Variants in HLF observed in about 807,000 individuals in gnomAD.
HLF encodes hepatic leukemia factor.
Under a neutral mutation model 22.6 loss-of-function variants are expected in HLF, and 3 were observed. The observed-to-expected ratio is 0.13, with a 90% CI of 0.06 to 0.34. The LOEUF is 0.34. Among genes scored for constraint, HLF ranks in the 10% least tolerant of loss-of-function variants. The probability of loss-of-function intolerance (pLI) is 1.00; values close to 1 mark genes in which losing one functional copy is unlikely to be tolerated. For synonymous variants in HLF, 151 were observed against 151.8 expected (o/e 0.99, Z 0.04); for missense variants, 299 against 389.2 (o/e 0.77, Z 1.95).
At chr17:55,299,819 C>CCTCATTTGCTTTT (rs1448651909) in intron 2 of HLF, among the ~76,000 whole-genome samples, 2 of 151,180 alleles carry the variant, frequency 1.3e-5, no homozygotes, top group African/African-American at 2.4e-5. Flanking sequence ...TCATATTGTT[C>CCTCATTTGCTTTT]CTCATTTGCT....
At chr17:55,272,826 T>C (rs1270708659) in intron 2 of HLF, 2 of 152,242 alleles carry the variant, frequency 1.3e-5, no homozygotes, top group Admixed American at 1.3e-4. Context: ...CGTGTATCTT[T>C]CCAGTCCAGC....
intron 2 of HLF, among the ~76,000 whole-genome samples, chr17:55,305,107 A>G (rs1555608571): frequency 6.6e-6 from 1 of 152,154 alleles, no homozygotes; most frequent in Non-Finnish European, 1.5e-5. Flanking sequence ...TTTGAAGCCA[A>G]CTTCTTCTTC....
At position 55,315,669 on chromosome 17, in the gene HLF, A is replaced by G. The variant is rs1031369313; in HGVS notation, c.672+222A>G. Among the ~76,000 whole-genome samples the G allele has an allele frequency of 2.0e-5, 3 of 152,218 alleles. No individual in the cohort carries two copies. The East Asian group carries it at 5.8e-4, about 29-fold the overall frequency. ...ATGCTGAACAGAAACAAGGAGAAGC[A>G]GTAAAATGTTGGAGTGATTTTAAAC... is the stretch of plus-strand genomic sequence containing the variant. On this transcript the variant is annotated intron_variant, in intron 3 of 3. Transcript: ENST00000226067.
intron 2 of HLF, among the ~76,000 whole-genome samples, chr17:55,292,250 A>G (rs1598398358): frequency 1.3e-5 from 2 of 152,336 alleles, no homozygotes; most frequent in East Asian, 3.9e-4. Flanking sequence ...GTGCTACAGA[A>G]AAATGTTTCC....
chr17:55,300,989 G>T (rs1405862671), intron 2 of HLF, among the ~76,000 whole-genome samples: 1 of 152,218 alleles, frequency 6.6e-6, no homozygotes, highest in Non-Finnish European at 1.5e-5. Context: ...ACTGGCCCAT[G>T]AATTCTCTCA....
At chr17:55,302,779 AG>A (rs1316062019) in intron 2 of HLF, among the ~76,000 whole-genome samples, 2 of 152,174 alleles carry the variant, frequency 1.3e-5, no homozygotes, top group Non-Finnish European at 2.9e-5. Flanking sequence ...CCAGGGACCT[AG>A]GTGGTGCTGA....
chr17:55,318,615 C>T (rs568051371), intron 3 of HLF, among the ~76,000 whole-genome samples: 2 of 152,212 alleles, frequency 1.3e-5, no homozygotes, highest in African/African-American at 4.8e-5. Flanking sequence ...CTACAGTGTT[C>T]CAGGGGCTTG....
Position 55,324,577 on chromosome 17 carries a change from T to TG in HLF, c.*3702dup, listed in dbSNP as rs1905386952. On this transcript the variant is annotated 3_prime_UTR_variant, in exon 4 of 4. Transcript: ENST00000226067. ...GCAATTGGAGATCTGGATTTAGCAC[T>TG]GGGGTCTCAGCACCCTGCAGGTGTC... The TG allele has an allele frequency of 4.3e-6, 1 of 232,516 alleles. No individual in the cohort carries two copies. Among genetic ancestry groups the TG allele is most frequent in the African/African-American group, 2.2e-5 (1 of 45,314 alleles). 14.4% of individuals were successfully genotyped at this position (232,516 alleles called of 1,614,324 possible).
chr17:55,277,824 G>A (rs2080919936), intron 2 of HLF, among the ~76,000 whole-genome samples: 1 of 152,186 alleles, frequency 6.6e-6, no homozygotes, highest in Non-Finnish European at 1.5e-5. Context: ...TTACAGGAGT[G>A]TTGGCAGAAT....
At chr17:55,301,496 A>G (rs1397866384) in intron 2 of HLF, among the ~76,000 whole-genome samples, 2 of 152,248 alleles carry the variant, frequency 1.3e-5, no homozygotes, top group African/African-American at 2.4e-5. Flanking sequence ...ACATTGTGAG[A>G]GAAGTTAGGA....
chr17:55,320,945 A>G lies in HLF; in HGVS notation c.*66A>G, dbSNP rs185750020. On this transcript the variant is annotated 3_prime_UTR_variant, in exon 4 of 4. Transcript: ENST00000226067. This position sits in a 1 kb window ranked among gnomAD's most constrained non-coding sequence, Gnocchi z 4.2. Reference sequence around the variant, plus strand: ...TTTGTTTCCTGTCTGATAGCACCACACGCAAACCAACCTTTCTGACATCAG... The same window carrying G: ...TTTGTTTCCTGTCTGATAGCACCACGCGCAAACCAACCTTTCTGACATCAG... 2.4e-6 allele frequency: 3 copies of G among 1,246,912 alleles called. No homozygotes were observed. In the African/African-American group the frequency reaches 4.4e-5, roughly 18 times the overall value. 77.2% of individuals were successfully genotyped at this position (1,246,912 alleles called of 1,614,324 possible).
At position 55,320,005 on chromosome 17, in the gene HLF, G is replaced by C. The variant is rs2145379045; in HGVS notation, c.673-659G>C. ...ATCATATGAACATCTTTCTGGTGCA[G>C]GTGGGTCATTATTTTTAACAGCTGC... On this transcript the variant is annotated intron_variant, in intron 3 of 3. Transcript: ENST00000226067. The surrounding 1 kb of genome is among the most constrained non-coding windows in gnomAD (Gnocchi z 4.2). Among the ~76,000 whole-genome samples, 2 of 152,280 alleles carry C rather than the reference G, an allele frequency of 1.3e-5. 1 individual carries two copies. The highest frequency in any genetic ancestry group is 4.1e-4 in the South Asian group (2 of 4,820).
intron 2 of HLF, chr17:55,289,002 T>C: frequency 1.1e-6 from 1 of 914,008 alleles, no homozygotes; most frequent in Non-Finnish European, 1.3e-6. Flanking sequence ...AGAAGCTCCA[T>C]GTTGGGTGTG....
intron 1 of HLF, chr17:55,265,829 G>GC (rs2080782510): frequency 7.8e-7 from 1 of 1,280,446 alleles, no homozygotes; most frequent in Admixed American, 4.3e-5. Context: ...AGAGCTTCGG[G>GC]CACCCGGCCT....
chr17:55,284,374 TGA>T (rs1437132713), intron 2 of HLF, among the ~76,000 whole-genome samples: 8 of 152,228 alleles, frequency 5.3e-5, no homozygotes, highest in African/African-American at 1.4e-4. Flanking sequence ...AAGAGTTCAC[TGA>T]GAGTGGGCCT....
intron 2 of HLF, among the ~76,000 whole-genome samples, chr17:55,298,966 A>G (rs1226859457): frequency 6.6e-6 from 1 of 152,226 alleles, no homozygotes; most frequent in Non-Finnish European, 1.5e-5. Context: ...CTCTGCCTGC[A>G]TGACTGAAGA....
In HLF at chr17:55,278,212, T is replaced by C. The variant is rs1008434409; in HGVS notation, c.451+10126T>C. On this transcript the variant is annotated intron_variant, in intron 2 of 3. Transcript: ENST00000226067. ...GGAGACCCTAGATTCCTAAAAACAA[T>C]GAGTGCATGCTACAGAAAGATGCTT... Among the ~76,000 whole-genome samples the C allele has an allele frequency of 2.0e-5, 3 of 152,204 alleles. No individual in the cohort carries two copies. The South Asian group carries it at 6.2e-4, about 31-fold the overall frequency.
intron 2 of HLF, among the ~76,000 whole-genome samples, chr17:55,306,225 A>G (rs1179885573): frequency 6.6e-6 from 1 of 152,198 alleles, no homozygotes. Context: ...GTTTAAAAAA[A>G]AAATTGCTGA....
At chr17:55,294,922 A>T (rs1277169664) in intron 2 of HLF, among the ~76,000 whole-genome samples, 1 of 152,196 alleles carries the variant, frequency 6.6e-6, no homozygotes, top group African/African-American at 2.4e-5. Context: ...TGATTTAATA[A>T]CATAATAAAA....
Sources: allele counts gnomAD v4.1 joint callset (sites outside exome capture counted in the v4.1 genomes callset), GRCh38; gene constraint gnomAD v4.1.1; non-coding constraint Gnocchi (gnomAD v3.1); transcripts MANE v1.5; gene names NCBI Gene and HGNC (gene_info 2026-07-23, HGNC 2026-07-21).